Variants in NEURL1 observed in about 807,000 individuals in gnomAD.
NEURL1 encodes E3 ubiquitin-protein ligase NEURL1.
Under a neutral mutation model 41.2 loss-of-function variants are expected in NEURL1, and 26 were observed. The observed-to-expected ratio is 0.63, with a 90% CI of 0.46 to 0.87. The LOEUF is 0.87. Ranked by LOEUF, NEURL1 falls within the 40% of genes least tolerant of loss-of-function variation. NEURL1 has a pLI of 0.00. For missense variants in NEURL1, 761 were observed against 871.1 expected (o/e 0.87, Z 1.59); for synonymous variants, 400 against 402.3 (o/e 0.99, Z 0.07).
At chr10:103,559,939 T>C (rs576640931) in intron 1 of NEURL1, among the ~76,000 whole-genome samples, 5 of 151,204 alleles carry the variant, frequency 3.3e-5, no homozygotes, top group East Asian at 3.9e-4. Flanking sequence ...ATTACACACA[T>C]GCACACACAC....
rs2036061641 is a variant in NEURL1, at chr10:103,592,069, T to G, written c.*1697T>G. ...TTGTTTTTGTTTTTTTTTGCATCCA[T>G]CAGAGACTGCACCTCTGTGTGGCAG... is the stretch of plus-strand genomic sequence containing the variant. On this transcript the variant is annotated 3_prime_UTR_variant, in exon 6 of 6. Coordinates refer to ENST00000369780, the MANE Select transcript of NEURL1 (RefSeq NM_004210.5). This position sits in a 1 kb window ranked among gnomAD's most constrained non-coding sequence, Gnocchi z 4.8. 1 of 152,350 alleles carries G rather than the reference T, an allele frequency of 6.6e-6. No individual in the cohort carries two copies. Among genetic ancestry groups the G allele is most frequent in the Non-Finnish European group, 1.5e-5 (1 of 68,228 alleles). The allele number at this position is 152,350 out of a possible 1,614,324, so 9.4% of individuals were successfully genotyped here.
intron 1 of NEURL1, among the ~76,000 whole-genome samples, chr10:103,557,598 G>C (rs910074364): frequency 3.5e-4 from 53 of 152,340 alleles, no homozygotes; most frequent in African/African-American, 1.2e-3. Flanking sequence ...GAGGGGACAG[G>C]AGTTGGAAGG....
At chr10:103,581,418 G>A (rs933066307) in intron 3 of NEURL1, among the ~76,000 whole-genome samples, 9 of 152,248 alleles carry the variant, frequency 5.9e-5, no homozygotes, top group East Asian at 1.9e-4. Context: ...TCCTCACAGC[G>A]TCTCTTCTAA....
At chr10:103,495,602 C>T (rs2033664269) in intron 1 of NEURL1, among the ~76,000 whole-genome samples, 1 of 152,134 alleles carries the variant, frequency 6.6e-6, no homozygotes, top group Non-Finnish European at 1.5e-5. Context: ...GGCTGTAGAC[C>T]CCTATCTTTT....
intron 3 of NEURL1, among the ~76,000 whole-genome samples, chr10:103,582,180 C>T (rs948721269): frequency 6.6e-6 from 1 of 152,156 alleles, no homozygotes; most frequent in Admixed American, 6.5e-5. Context: ...CTTCTCCCTG[C>T]TGTTACTGCC....
intron 1 of NEURL1, among the ~76,000 whole-genome samples, chr10:103,538,654 T>TC (rs2034749851): frequency 6.6e-6 from 1 of 150,482 alleles, no homozygotes; most frequent in African/African-American, 2.4e-5. Context: ...TTTCTTCCTT[T>TC]TTTTTTTTTT....
intron 1 of NEURL1, among the ~76,000 whole-genome samples, chr10:103,495,862 C>T (rs1325629809): frequency 6.6e-6 from 1 of 152,180 alleles, no homozygotes; most frequent in Non-Finnish European, 1.5e-5. Context: ...AATCCGAGCA[C>T]TTTGGGAGGC....
intron 1 of NEURL1, among the ~76,000 whole-genome samples, chr10:103,527,790 G>A (rs368065069): frequency 1.6e-4 from 25 of 152,290 alleles, no homozygotes; most frequent in African/African-American, 5.8e-4. Context: ...CATTTTACAA[G>A]GGGACCCTTA....
intron 1 of NEURL1, among the ~76,000 whole-genome samples, chr10:103,529,900 G>A (rs944917431): frequency 2.0e-5 from 3 of 152,186 alleles, no homozygotes; most frequent in Non-Finnish European, 2.9e-5. Context: ...CAGACCCCAA[G>A]AGAGGGTTCT....
intron 1 of NEURL1, among the ~76,000 whole-genome samples, chr10:103,530,253 CT>C (rs2034542324): frequency 6.6e-6 from 1 of 150,564 alleles, no homozygotes; most frequent in Non-Finnish European, 1.5e-5. Context: ...TTTGTTTGTT[CT>C]TTCTTTTCTA....
chr10:103,582,342 C>CT (rs1045363759), intron 3 of NEURL1, among the ~76,000 whole-genome samples: 1 of 152,198 alleles, frequency 6.6e-6, no homozygotes. Flanking sequence ...TACCTCCCCC[C>CT]TGCACAGGCC....
In NEURL1 at chr10:103,566,919, T is replaced by C. The variant is rs1416344595; in HGVS notation, c.86-3953T>C. ...CATAATAGAATGCCATGTATTGCCCTGTGTGCTACATGAGATGGTTTTGGG... is the reference window on the plus strand; with the variant it reads ...CATAATAGAATGCCATGTATTGCCCCGTGTGCTACATGAGATGGTTTTGGG... On this transcript the variant is annotated intron_variant, in intron 1 of 5. Transcript: ENST00000369780. The surrounding 1 kb of genome is among the most constrained non-coding windows in gnomAD (Gnocchi z 4.2). 6.6e-6 allele frequency among the ~76,000 whole-genome samples: 1 copy of C among 152,142 alleles called. No homozygotes were observed. Among genetic ancestry groups the C allele is most frequent in the East Asian group, 1.9e-4 (1 of 5,204 alleles).
intron 2 of NEURL1, 81 bp downstream of exon 2, chr10:103,571,194 C>T: frequency 7.0e-7 from 1 of 1,428,084 alleles, no homozygotes; most frequent in Non-Finnish European, 9.6e-7. Context: ...GGACTCTGCC[C>T]CTCAGCCGCT....
At position 103,556,265 on chromosome 10, in the gene NEURL1, C is replaced by A. The variant is rs879054380; in HGVS notation, c.86-14607C>A. ...TACTGTGGTCTTGGGAGCGCCATGG[C>A]CGATGTGGCAGCAGACCCGGAGAAG... On this transcript the variant is annotated intron_variant, in intron 1 of 5. Coordinates refer to ENST00000369780, the MANE Select transcript of NEURL1 (RefSeq NM_004210.5). The surrounding 1 kb of genome is among the most constrained non-coding windows in gnomAD (Gnocchi z 4.4). Among the ~76,000 whole-genome samples, 1 of 152,214 alleles carries A rather than the reference C, an allele frequency of 6.6e-6. No individual in the cohort carries two copies. The highest frequency in any genetic ancestry group is 1.9e-4 in the East Asian group (1 of 5,194).
chr10:103,510,680 C>T (rs1195481565), intron 1 of NEURL1, among the ~76,000 whole-genome samples: 1 of 152,184 alleles, frequency 6.6e-6, no homozygotes. Flanking sequence ...TCACCCCTGG[C>T]TGGGCTGACC....
intron 1 of NEURL1, among the ~76,000 whole-genome samples, chr10:103,522,662 T>C (rs996407974): frequency 6.6e-6 from 1 of 151,878 alleles, no homozygotes; most frequent in East Asian, 1.9e-4. Flanking sequence ...TGAAACCTTA[T>C]TGGTTTGTTA....
In NEURL1 at chr10:103,494,451, G is replaced by A. The variant is rs2033632086; in HGVS notation, c.64G>A (p.Gly22Ser). The A allele has an allele frequency of 2.5e-6, 4 of 1,594,578 alleles. No individual in the cohort carries two copies. The highest frequency in any genetic ancestry group is 3.4e-6 in the Non-Finnish European group (4 of 1,170,962). Residue 22 changes from glycine to serine, a missense_variant, in exon 1 of 6, where the codon GGC becomes AGC. Gly to Ser is a moderately conservative substitution (Grantham distance 56). Coordinates refer to ENST00000369780, the MANE Select transcript of NEURL1 (RefSeq NM_004210.5). ...AGGAAACCCGAGCCGCGCGCCGCGGGGCCACCCCCAGAACCTCAAAGGTAG... is the reference window on the plus strand; with the variant it reads ...AGGAAACCCGAGCCGCGCGCCGCGGAGCCACCCCCAGAACCTCAAAGGTAG... ...PRGNPSRAPR[G>S]HPQNLKDSIG...
chr10:103,500,517 G>A (rs1215868707), intron 1 of NEURL1, among the ~76,000 whole-genome samples: 2 of 152,210 alleles, frequency 1.3e-5, no homozygotes, highest in Non-Finnish European at 2.9e-5. Context: ...GTCTTTCATT[G>A]TGGGAGAGAG....
chr10:103,512,653 C>T (rs546557574), intron 1 of NEURL1, among the ~76,000 whole-genome samples: 7 of 152,090 alleles, frequency 4.6e-5, no homozygotes, highest in Non-Finnish European at 8.8e-5. Context: ...ATAAAAAGGA[C>T]GGGAGCTGTG....
Sources: gnomAD v4.1 joint callset for allele counts (sites outside exome capture counted in the v4.1 genomes callset) on GRCh38, gnomAD v4.1.1 for gene constraint, Gnocchi (gnomAD v3.1) non-coding constraint, MANE v1.5 for transcripts, NCBI Gene and HGNC (gene_info 2026-07-23, HGNC 2026-07-21) for gene names.